The following GMDS variants were observed in gnomAD, a reference collection of about 807,000 sequenced individuals.
The protein encoded by GMDS is GDP-mannose 4,6-dehydratase.
GMDS carries 20 observed loss-of-function variants against 49.9 expected under a neutral mutation model. The ratio of observed to expected loss-of-function variants is 0.40; its 90% CI spans 0.28 to 0.58. The LOEUF (loss-of-function observed/expected upper bound fraction) is 0.58. Among genes scored for constraint, GMDS ranks in the 20% least tolerant of loss-of-function variants. GMDS has a pLI of 0.42. For synonymous variants in GMDS, 177 were observed against 178.6 expected (o/e 0.99, Z 0.07); for missense variants, 362 against 481.4 (o/e 0.75, Z 2.32).
intron 9 of GMDS, among the ~76,000 whole-genome samples, chr6:1,719,696 T>C (rs1247522035): frequency 2.0e-5 from 3 of 151,994 alleles, no homozygotes; most frequent in Non-Finnish European, 4.4e-5. Context: ...AAAATAAAGA[T>C]GGAACAGGTA....
At chr6:2,216,056 T>TG (rs1780320241) in intron 1 of GMDS, among the ~76,000 whole-genome samples, 1 of 152,138 alleles carries the variant, frequency 6.6e-6, no homozygotes, top group South Asian at 2.1e-4. Context: ...GATGGGTATG[T>TG]GGGGGCTCAC....
chr6:2,145,145 T>C lies in GMDS; in HGVS notation c.103-20414A>G, dbSNP rs185701238. On this transcript the variant is annotated intron_variant, in intron 1 of 10. Coordinates refer to ENST00000380815, the MANE Select transcript of GMDS (RefSeq NM_001500.4). Reference sequence around the variant, plus strand: ...ATGATAACAGGTAGTATGAATAGATTTCAAGGGTTTATTAAGCACTAAGTA... The same window carrying C: ...ATGATAACAGGTAGTATGAATAGATCTCAAGGGTTTATTAAGCACTAAGTA... Among the ~76,000 whole-genome samples the C allele has an allele frequency of 5.7e-3, 864 of 152,244 alleles. 2 individuals are homozygous for C. The highest frequency in any genetic ancestry group is 0.017 in the Middle Eastern group (5 of 294).
At chr6:1,851,072 G>A (rs1202150109) in intron 7 of GMDS, among the ~76,000 whole-genome samples, 1 of 152,192 alleles carries the variant, frequency 6.6e-6, no homozygotes, top group Non-Finnish European at 1.5e-5. Context: ...TGCTCTATCA[G>A]GCAGGCTGTA....
chr6:1,728,558 T>C (rs902223154), intron 8 of GMDS, among the ~76,000 whole-genome samples: 2 of 152,188 alleles, frequency 1.3e-5, no homozygotes, highest in Non-Finnish European at 2.9e-5. Context: ...GCCACAACCA[T>C]GAGAACTGGT....
chr6:1,707,952 G>A (rs9392323), intron 9 of GMDS, among the ~76,000 whole-genome samples: 148,906 of 152,328 alleles, frequency 0.98, 72,873 homozygotes, highest in East Asian at 1. Context: ...CAAATCTGTT[G>A]TTGCACCAAA....
At chr6:2,039,687 G>A (rs939616295) in intron 4 of GMDS, among the ~76,000 whole-genome samples, 2 of 151,870 alleles carry the variant, frequency 1.3e-5, no homozygotes, top group East Asian at 1.9e-4. Flanking sequence ...TTACCTCCAC[G>A]TCTTCTCCTG....
chr6:2,217,903 C>G (rs1279306660), intron 1 of GMDS, among the ~76,000 whole-genome samples: 1 of 152,070 alleles, frequency 6.6e-6, no homozygotes, highest in Non-Finnish European at 1.5e-5. Flanking sequence ...TAGTTTTGAT[C>G]CAGAAAATAA....
intron 1 of GMDS, among the ~76,000 whole-genome samples, chr6:2,127,878 G>C (rs1436969270): frequency 2.0e-5 from 3 of 152,208 alleles, no homozygotes; most frequent in Admixed American, 1.3e-4. Flanking sequence ...AAATGTCACA[G>C]CAAATGAGAA....
At chr6:2,036,764 G>C (rs1769331593) in intron 4 of GMDS, among the ~76,000 whole-genome samples, 1 of 152,160 alleles carries the variant, frequency 6.6e-6, no homozygotes, top group Non-Finnish European at 1.5e-5. Context: ...CCATAAACAA[G>C]ATAAAACAAG....
chr6:1,782,024 G>A (rs899032873), intron 7 of GMDS, among the ~76,000 whole-genome samples: 13 of 152,140 alleles, frequency 8.5e-5, no homozygotes, highest in African/African-American at 2.9e-4. Context: ...TGGATCAAAA[G>A]GATCTGAGAG....
chr6:2,191,161 C>T lies in GMDS; in HGVS notation c.102+54160G>A, dbSNP rs578220171. On this transcript the variant is annotated intron_variant, in intron 1 of 10. Transcript: ENST00000380815. This position sits in a 1 kb window ranked among gnomAD's most constrained non-coding sequence, Gnocchi z 4.6. ...CAGAGAGGACTCTGCACAGGGCCAC[C>T]CACAGCCATGTCCCCAGGGGTCCGC... Among the ~76,000 whole-genome samples the T allele has an allele frequency of 1.4e-4, 21 of 152,226 alleles. No homozygotes were observed. Among genetic ancestry groups the T allele is most frequent in the African/African-American group, 4.3e-4 (18 of 41,532 alleles).
At chr6:2,153,005 A>C (rs996122902) in intron 1 of GMDS, among the ~76,000 whole-genome samples, 8 of 152,230 alleles carry the variant, frequency 5.3e-5, no homozygotes, top group African/African-American at 1.9e-4. Context: ...GCTTGAACCC[A>C]GTAGGCGGAA....
chr6:2,077,732 C>T (rs1043934795), intron 4 of GMDS, among the ~76,000 whole-genome samples: 2 of 151,858 alleles, frequency 1.3e-5, no homozygotes, highest in African/African-American at 4.8e-5. Context: ...AGAATAATGA[C>T]CTGTACTTTT....
At chr6:2,139,152 A>T (rs1776155311) in intron 1 of GMDS, among the ~76,000 whole-genome samples, 1 of 152,244 alleles carries the variant, frequency 6.6e-6, no homozygotes, top group African/African-American at 2.4e-5. Flanking sequence ...TTACCACCAT[A>T]CAATTCACCC....
chr6:1,761,707 A>G (rs1413405334), intron 7 of GMDS, among the ~76,000 whole-genome samples: 1 of 152,216 alleles, frequency 6.6e-6, no homozygotes, highest in Non-Finnish European at 1.5e-5. Context: ...ACATGAAAGT[A>G]TTTGCATAGA....
chr6:2,175,233 A>T (rs943313010), intron 1 of GMDS, among the ~76,000 whole-genome samples: 2 of 152,258 alleles, frequency 1.3e-5, no homozygotes, highest in African/African-American at 2.4e-5. Context: ...TAACTCAAAA[A>T]GAGAACAGCA....
chr6:1,871,058 GCACACACA>G (rs3839602), intron 7 of GMDS, among the ~76,000 whole-genome samples: 1 of 147,110 alleles, frequency 6.8e-6, no homozygotes, highest in Non-Finnish European at 1.5e-5. Flanking sequence ...CTATCCCCCA[GCACACACA>G]CACACACACA....
At chr6:1,763,932 C>T (rs899445721) in intron 7 of GMDS, among the ~76,000 whole-genome samples, 14 of 152,134 alleles carry the variant, frequency 9.2e-5, no homozygotes, top group African/African-American at 3.4e-4. Flanking sequence ...GCTGAAGCTG[C>T]GATCCACTGG....
intron 7 of GMDS, among the ~76,000 whole-genome samples, chr6:1,911,086 A>T (rs1350951951): frequency 6.6e-6 from 1 of 152,220 alleles, no homozygotes; most frequent in Non-Finnish European, 1.5e-5. Context: ...TTTCGAAAGC[A>T]AAGAAAACAG....
Sources: allele counts gnomAD v4.1 joint callset (sites outside exome capture counted in the v4.1 genomes callset), GRCh38; gene constraint gnomAD v4.1.1; non-coding constraint Gnocchi (gnomAD v3.1); transcripts MANE v1.5; gene names NCBI Gene and HGNC (gene_info 2026-07-23, HGNC 2026-07-21).